Variants in SMYD4 observed in about 807,000 individuals in gnomAD.
SMYD4 encodes SET and MYND domain containing 4.
Under a neutral mutation model 72.8 loss-of-function variants are expected in SMYD4, and 68 were observed. The ratio of observed to expected loss-of-function variants is 0.93; its 90% confidence interval spans 0.77 to 1.14. The LOEUF is 1.14. Ranked by LOEUF, SMYD4 falls within the 50% of genes most tolerant of loss-of-function variation. The pLI, the probability that SMYD4 is intolerant of heterozygous loss-of-function variation, is 0.00. For synonymous variants in SMYD4, 407 were observed against 388.6 expected (o/e 1.05, Z -0.56); for missense variants, 984 against 1,003.7 (o/e 0.98, Z 0.27).
At chr17:1,825,906 G>C (rs539713899) in intron 2 of SMYD4, among the ~76,000 whole-genome samples, 2 of 151,780 alleles carry the variant, frequency 1.3e-5, no homozygotes, top group Non-Finnish European at 2.9e-5. Context: ...CTTGAGGTCA[G>C]CCTGAGCAAC....
In SMYD4 at chr17:1,800,897, A is replaced by T; in HGVS notation, c.497T>A (p.Ile166Asn). The T allele has an allele frequency of 6.2e-7, 1 of 1,614,172 alleles. No individual in the cohort carries two copies. The highest frequency in any genetic ancestry group is 1.1e-5 in the South Asian group (1 of 91,088). Residue 166 changes from isoleucine (I) to asparagine (N), a missense_variant, in exon 5 of 11, where the codon ATC (isoleucine) becomes AAC (asparagine). By Grantham distance (149) the Ile-to-Asn change is moderately radical. Transcript: ENST00000305513. ...LGRLQEASQTISDLERNFTAT... is the reference protein window; with the variant it reads ...LGRLQEASQTNSDLERNFTAT... ...TGTGAAGTTCCTTTCAAGATCACTG[A>T]TGGTCTGGCTTGCCTCCTGCAGTCT...
chr17:1,804,805 A>C, intron 3 of SMYD4, 90 bp from the exon 4 acceptor site: 4 of 1,242,980 alleles, frequency 3.2e-6, no homozygotes, highest in Non-Finnish European at 4.6e-6. Context: ...AGTACTGAAG[A>C]CTGTGTGAAA....
At chr17:1,785,439 G>GAAAAAAAAAAAAAAAAAAAAAAAAA (rs56261871) in intron 7 of SMYD4, among the ~76,000 whole-genome samples, 1 of 124,554 alleles carries the variant, frequency 8.0e-6, no homozygotes. Context: ...AAAAGAAAAA[G>GAAAAAAAAAAAAAAAAAAAAAAAAA]AAAAAAAAAA....
At chr17:1,782,905 A>G in intron 10 of SMYD4, 130 bp downstream of exon 10, 1 of 1,406,798 alleles carries the variant, frequency 7.1e-7, no homozygotes, top group East Asian at 2.4e-5. Context: ...AACAGAAGGC[A>G]AAGATCTCTC....
Position 1,826,855 on chromosome 17 carries a change from T to C in SMYD4, c.134+1006A>G, listed in dbSNP as rs143052972. ...TTTGACACTGCACTATTTTTGTCTATAGAAAGACAAACAGGCCGGGCACAG... is the reference window on the plus strand; with the variant it reads ...TTTGACACTGCACTATTTTTGTCTACAGAAAGACAAACAGGCCGGGCACAG... On this transcript the variant is annotated intron_variant, in intron 2 of 10. Coordinates refer to ENST00000305513, the MANE Select transcript of SMYD4 (RefSeq NM_052928.3). Among the ~76,000 whole-genome samples the C allele has an allele frequency of 1.7e-3, 266 of 152,110 alleles. 1 individual carries two copies. The highest frequency in any genetic ancestry group is 5.3e-3 in the African/African-American group (221 of 41,502).
intron 2 of SMYD4, among the ~76,000 whole-genome samples, chr17:1,825,406 C>A (rs9909860): frequency 2.0e-5 from 3 of 151,412 alleles, no homozygotes; most frequent in Admixed American, 2.0e-4. Context: ...AAAATGTTAG[C>A]AGAAAACAAT....
In SMYD4 at chr17:1,783,177, C is replaced by A. The variant is rs1294492025; in HGVS notation, c.2138-19G>T. The A allele has an allele frequency of 6.2e-7, 1 of 1,613,904 alleles. No homozygotes were observed. The highest frequency in any genetic ancestry group is 1.3e-5 in the African/African-American group (1 of 75,018). On this transcript the variant is annotated intron_variant, in intron 9 of 10. Coordinates refer to ENST00000305513, the MANE Select transcript of SMYD4 (RefSeq NM_052928.3). ...CAGTCTCCTGTGAGAAGAGAAAAAT[C>A]TTGTTCCAGAAAAGAACCACTGTCA...
intron 2 of SMYD4, among the ~76,000 whole-genome samples, chr17:1,818,256 G>C (rs1412003638): frequency 1.3e-5 from 2 of 152,074 alleles, no homozygotes; most frequent in Non-Finnish European, 2.9e-5. Context: ...GCCTTTCATG[G>C]AGCTAACTGG....
chr17:1,787,777 C>A (rs1444377779), intron 5 of SMYD4, among the ~76,000 whole-genome samples, 173 bp from the exon 6 acceptor site: 1 of 152,142 alleles, frequency 6.6e-6, no homozygotes, highest in Non-Finnish European at 1.5e-5. Flanking sequence ...AAGCTCCAGT[C>A]CCCAGGAAGC....
Position 1,800,731 on chromosome 17 carries a change from C to T in SMYD4, c.663G>A (p.Leu221=). 6.2e-7 allele frequency: 1 copy of T among 1,614,248 alleles called. No individual in the cohort carries two copies. The highest frequency in any genetic ancestry group is 8.5e-7 in the Non-Finnish European group (1 of 1,180,048). The change falls in exon 5 of 11, where the codon CTG becomes CTA. Residue 221 remains leucine (L), a synonymous_variant. Coordinates refer to ENST00000305513, the MANE Select transcript of SMYD4 (RefSeq NM_052928.3). ...TGGAAAGTTGTTCATTCTCCTCCCT[C>T]AGCGCTGCATCCTCAAGGGTTTTGG... ...ALAKTLEDAA[L]REENEQLSNA...
chr17:1,828,757 C>T (rs924215210), intron 1 of SMYD4, among the ~76,000 whole-genome samples: 4 of 151,888 alleles, frequency 2.6e-5, no homozygotes, highest in South Asian at 2.1e-4. Flanking sequence ...CAACTACGCC[C>T]GGCTAATTTT....
chr17:1,803,494 G>A (rs967895538), intron 4 of SMYD4, among the ~76,000 whole-genome samples: 3 of 151,894 alleles, frequency 2.0e-5, no homozygotes, highest in Non-Finnish European at 2.9e-5. Context: ...CCCATAGCTC[G>A]CTCTTTCCTT....
chr17:1,797,665 C>T (rs1004806549), intron 5 of SMYD4, among the ~76,000 whole-genome samples: 5 of 152,154 alleles, frequency 3.3e-5, no homozygotes, highest in African/African-American at 1.2e-4. Flanking sequence ...GGAAATATCT[C>T]TCAATTGGAA....
chr17:1,783,715 A>G (rs1908502159), intron 8 of SMYD4: 1 of 600,740 alleles, frequency 1.7e-6, no homozygotes, highest in Non-Finnish European at 2.8e-6. Flanking sequence ...TATTTTCAAC[A>G]TTAACTTCCC....
chr17:1,825,324 G>A (rs140865374), intron 2 of SMYD4, among the ~76,000 whole-genome samples: 21 of 152,092 alleles, frequency 1.4e-4, no homozygotes, highest in African/African-American at 4.8e-4. Flanking sequence ...CCCCTTAAAC[G>A]TATATTTTGT....
intron 2 of SMYD4, among the ~76,000 whole-genome samples, chr17:1,821,721 G>A (rs930541545): frequency 6.6e-6 from 1 of 151,486 alleles, no homozygotes; most frequent in Non-Finnish European, 1.5e-5. Flanking sequence ...ACCTGAGGTT[G>A]GGAGTTTGAG....
intron 3 of SMYD4, among the ~76,000 whole-genome samples, chr17:1,805,180 G>C (rs1909970360): frequency 6.6e-6 from 1 of 152,158 alleles, no homozygotes; most frequent in African/African-American, 2.4e-5. Flanking sequence ...ACTTTGGGAG[G>C]CTGAGGCATG....
Position 1,799,868 on chromosome 17 carries a change from ATGG to A in SMYD4, c.1523_1525del (p.Thr508del). The A allele has an allele frequency of 6.3e-7, 1 of 1,599,546 alleles. No individual in the cohort carries two copies. Among genetic ancestry groups the A allele is most frequent in the Non-Finnish European group, 8.5e-7 (1 of 1,170,816 alleles). ...AGGTTCCCTCTTACCTGTGTGTTGT[ATGG>A]TGGTCATCGCCTGAGCGTTACACTG... On this transcript the variant is annotated inframe_deletion, in exon 5 of 11. Transcript: ENST00000305513.
At chr17:1,797,964 C>T (rs940766194) in intron 5 of SMYD4, among the ~76,000 whole-genome samples, 10 of 151,520 alleles carry the variant, frequency 6.6e-5, no homozygotes, top group East Asian at 3.9e-4. Flanking sequence ...ATTGTGCCAC[C>T]GCACTCCAGC....
Sources: gnomAD v4.1 joint callset for allele counts (sites outside exome capture counted in the v4.1 genomes callset) on GRCh38, gnomAD v4.1.1 for gene constraint, MANE v1.5 for transcripts, NCBI Gene and HGNC (gene_info 2026-07-23, HGNC 2026-07-21) for gene names.